The following SIMC1 variants were observed in gnomAD, a reference collection of about 807,000 sequenced individuals.
SIMC1 encodes the protein SUMO-interacting motif-containing protein 1.
Under a neutral mutation model 82.3 loss-of-function variants are expected in SIMC1, and 55 were observed. The ratio of observed to expected loss-of-function variants is 0.67; its 90% CI spans 0.54 to 0.84. The LOEUF (loss-of-function observed/expected upper bound fraction) is 0.84, where lower values mean the gene tolerates loss of function less well. SIMC1 is among the 40% of genes least tolerant of loss of function. SIMC1 has a pLI of 0.00. For synonymous variants in SIMC1, 353 were observed against 426.3 expected (o/e 0.83, Z 2.12); for missense variants, 915 against 1,107.2 (o/e 0.83, Z 2.46).
chr5:176,337,076 G>A lies in SIMC1; in HGVS notation c.2343G>A (p.Gln781=). The change falls in exon 9 of 10, where the codon CAG becomes CAA. Residue 781 remains glutamine, a synonymous_variant. Coordinates refer to ENST00000429602, the MANE Select transcript of SIMC1 (RefSeq NM_001308195.2). ...TATCTCTGCAGTCAGATAAAAGCCA[G>A]TGGCAGACTTGGGACGAATTGGTTG... is the stretch of plus-strand genomic sequence containing the variant. ...SLLKCQSDKS[Q]WQTWDELVEH... is the part of the protein sequence containing the mutation. 6.2e-7 allele frequency: 1 copy of A among 1,614,012 alleles called. No individual in the cohort carries two copies. Among genetic ancestry groups the A allele is most frequent in the Non-Finnish European group, 8.5e-7 (1 of 1,179,888 alleles).
At chr5:176,280,701 G>T (rs1032220307) in intron 1 of SIMC1, among the ~76,000 whole-genome samples, 1 of 151,962 alleles carries the variant, frequency 6.6e-6, no homozygotes, top group African/African-American at 2.4e-5. Context: ...ATGAAGCTTC[G>T]TTTGGCTGGA....
At chr5:176,250,562 G>A (rs1474103174) in intron 1 of SIMC1, among the ~76,000 whole-genome samples, 4 of 152,188 alleles carry the variant, frequency 2.6e-5, no homozygotes, top group Non-Finnish European at 4.4e-5. Flanking sequence ...ACAGTGGGGT[G>A]TTAAAATCTC....
chr5:176,316,032 A>T (rs983774153), intron 5 of SIMC1, among the ~76,000 whole-genome samples: 1 of 151,928 alleles, frequency 6.6e-6, no homozygotes, highest in African/African-American at 2.4e-5. Context: ...AAAATTAGCC[A>T]GGCATGGTGG....
intron 7 of SIMC1, among the ~76,000 whole-genome samples, chr5:176,334,335 G>C (rs1230190856): frequency 6.6e-6 from 1 of 152,146 alleles, no homozygotes; most frequent in African/African-American, 2.4e-5. Flanking sequence ...TTTTCCTGTT[G>C]AGGCTTGTTT....
intron 1 of SIMC1, among the ~76,000 whole-genome samples, chr5:176,285,004 C>A (rs559614434): frequency 6.6e-6 from 1 of 152,118 alleles, no homozygotes; most frequent in East Asian, 1.9e-4. Flanking sequence ...GGATTCACAG[C>A]CAAATTCTAA....
intron 1 of SIMC1, among the ~76,000 whole-genome samples, chr5:176,251,554 A>G (rs958810909): frequency 6.6e-6 from 1 of 151,588 alleles, no homozygotes; most frequent in Admixed American, 6.6e-5. Flanking sequence ...CTGGCTGGAT[A>G]TGAAATTCTG....
At chr5:176,335,914 A>C (rs942977523) in intron 7 of SIMC1, among the ~76,000 whole-genome samples, 1 of 151,768 alleles carries the variant, frequency 6.6e-6, no homozygotes, top group Middle Eastern at 3.2e-3. Context: ...ACAGTGGCAC[A>C]CTCCTGTAGT....
intron 6 of SIMC1, among the ~76,000 whole-genome samples, chr5:176,323,570 T>A (rs1384803868): frequency 2.0e-5 from 3 of 152,204 alleles, no homozygotes; most frequent in Admixed American, 2.0e-4. Flanking sequence ...GTTTAGTAAC[T>A]TGTCGAAGGT....
intron 1 of SIMC1, among the ~76,000 whole-genome samples, chr5:176,253,612 C>T (rs765416365): frequency 1.3e-5 from 2 of 152,062 alleles, no homozygotes; most frequent in African/African-American, 2.4e-5. Context: ...TAGGAGTCAG[C>T]GTCAAAACTC....
At chr5:176,296,203 C>T (rs543882544) in intron 3 of SIMC1, 48 bp from the exon 4 acceptor site, 3 of 1,597,518 alleles carry the variant, frequency 1.9e-6, no homozygotes, top group South Asian at 1.1e-5. Flanking sequence ...CCTATCCCTT[C>T]TTCCGCTAAA....
At chr5:176,281,249 A>G (rs1762991620) in intron 1 of SIMC1, among the ~76,000 whole-genome samples, 1 of 152,114 alleles carries the variant, frequency 6.6e-6, no homozygotes, top group Non-Finnish European at 1.5e-5. Context: ...TGCATGCTTC[A>G]CGTAGTTCTC....
chr5:176,286,377 G>A (rs1353419306), intron 1 of SIMC1, among the ~76,000 whole-genome samples: 5 of 152,258 alleles, frequency 3.3e-5, no homozygotes, highest in Non-Finnish European at 7.3e-5. Context: ...ACAAAAACAA[G>A]CAATGGGGAA....
intron 1 of SIMC1, among the ~76,000 whole-genome samples, chr5:176,253,354 C>A (rs1761751666): frequency 1.3e-5 from 2 of 151,998 alleles, no homozygotes; most frequent in Non-Finnish European, 2.9e-5. Flanking sequence ...CTTGGGGTTG[C>A]TCTTCTAAAG....
chr5:176,288,837 A>G (rs1304739014), intron 1 of SIMC1, among the ~76,000 whole-genome samples: 1 of 152,198 alleles, frequency 6.6e-6, no homozygotes, highest in Non-Finnish European at 1.5e-5. Flanking sequence ...AGGTAGAGCA[A>G]TATTTTTCCA....
intron 1 of SIMC1, among the ~76,000 whole-genome samples, chr5:176,269,850 G>A (rs529200238): frequency 7.2e-5 from 11 of 152,070 alleles, no homozygotes; most frequent in East Asian, 1.9e-4. Context: ...GGTTTAAGCC[G>A]TCCTCCCTTC....
intron 3 of SIMC1, among the ~76,000 whole-genome samples, chr5:176,295,543 G>A (rs191556943): frequency 1.3e-5 from 2 of 152,062 alleles, no homozygotes; most frequent in Admixed American, 6.5e-5. Flanking sequence ...GCTCTACTTC[G>A]GTTCTGTTTG....
chr5:176,286,634 A>T (rs150223564), intron 1 of SIMC1, among the ~76,000 whole-genome samples: 139 of 152,380 alleles, frequency 9.1e-4, no homozygotes, highest in African/African-American at 2.8e-3. Context: ...AAAATTGACA[A>T]ACGGGATCTA....
intron 1 of SIMC1, among the ~76,000 whole-genome samples, chr5:176,248,742 T>C (rs1297952022): frequency 2.0e-5 from 3 of 152,138 alleles, no homozygotes; most frequent in Non-Finnish European, 2.9e-5. Flanking sequence ...GGCTGTGGGT[T>C]TGTCATAAAT....
intron 7 of SIMC1, among the ~76,000 whole-genome samples, chr5:176,331,606 C>T (rs1765674991): frequency 6.6e-6 from 1 of 151,516 alleles, no homozygotes; most frequent in East Asian, 2.0e-4. Context: ...TGAGCCACTG[C>T]ACCCAGCCCT....
Sources: allele counts gnomAD v4.1 joint callset (sites outside exome capture counted in the v4.1 genomes callset), GRCh38; gene constraint gnomAD v4.1.1; transcripts MANE v1.5; gene names NCBI Gene and HGNC (gene_info 2026-07-23, HGNC 2026-07-21).